Variants in FBLN7 observed in about 807,000 individuals in gnomAD.
FBLN7 encodes the protein fibulin-7.
FBLN7 carries 31 observed loss-of-function variants against 44.0 expected under a neutral mutation model. The observed-to-expected ratio is 0.70, with a 90% CI of 0.53 to 0.95. The LOEUF is 0.95. Ranked by LOEUF, FBLN7 falls within the 40% of genes least tolerant of loss-of-function variation. The pLI, the probability that FBLN7 is intolerant of heterozygous loss-of-function variation, is 0.00. For missense variants in FBLN7, 573 were observed against 618.5 expected (o/e 0.93, Z 0.78); for synonymous variants, 262 against 253.4 (o/e 1.03, Z -0.32).
chr2:112,198,921 G>A, the FBLN7 span, among the ~76,000 whole-genome samples: 1 of 152,126 alleles, frequency 6.6e-6, no homozygotes, highest in Non-Finnish European at 1.5e-5. Flanking sequence ...CTCCACTATA[G>A]TCTACCAGTG....
chr2:112,184,491 A>T (rs1424846736), intron 6 of FBLN7, among the ~76,000 whole-genome samples: 2 of 151,990 alleles, frequency 1.3e-5, no homozygotes, highest in Non-Finnish European at 2.9e-5. Flanking sequence ...GTTGGGAGGG[A>T]CGGCCTCCAG....
chr2:112,139,149 CACG>C (rs1680510122), intron 1 of FBLN7, among the ~76,000 whole-genome samples: 1 of 92,694 alleles, frequency 1.1e-5, no homozygotes, highest in Non-Finnish European at 2.2e-5. Context: ...CGCCTCTCTC[CACG>C]CCAGTGTCCC....
chr2:112,178,563 A>G (rs1375164902), intron 4 of FBLN7, among the ~76,000 whole-genome samples: 1 of 152,234 alleles, frequency 6.6e-6, no homozygotes, highest in Non-Finnish European at 1.5e-5. Flanking sequence ...AGAAAATGTC[A>G]GGCCAATATC....
chr2:112,191,774 T>A (rs1472115886), downstream of FBLN7, among the ~76,000 whole-genome samples: 1 of 152,244 alleles, frequency 6.6e-6, no homozygotes, highest in African/African-American at 2.4e-5. Flanking sequence ...CAGGATTTAC[T>A]GATTATACCT....
chr2:112,140,386 G>A (rs1034814566), intron 1 of FBLN7, among the ~76,000 whole-genome samples: 3 of 152,232 alleles, frequency 2.0e-5, no homozygotes, highest in Non-Finnish European at 4.4e-5. Context: ...GCAGCACCAA[G>A]GCTGGGGGAC....
chr2:112,203,888 G>A, the FBLN7 span, among the ~76,000 whole-genome samples: 1 of 152,228 alleles, frequency 6.6e-6, no homozygotes, highest in African/African-American at 2.4e-5. Flanking sequence ...AGAACAGTAT[G>A]GGGGAAACTG....
chr2:112,147,895 G>T (rs926613248), intron 1 of FBLN7, among the ~76,000 whole-genome samples: 1 of 152,136 alleles, frequency 6.6e-6, no homozygotes, highest in African/African-American at 2.4e-5. Flanking sequence ...TAGGTGGGGG[G>T]TCTGCTGTGG....
chr2:112,186,689 C>T (rs905045187), intron 7 of FBLN7, among the ~76,000 whole-genome samples: 12 of 152,134 alleles, frequency 7.9e-5, no homozygotes, highest in Non-Finnish European at 1.3e-4. Flanking sequence ...GTTCACCGTA[C>T]ACCGTGTGGG....
rs375542470 is a variant in FBLN7, at chr2:112,166,782, C to T, written c.406+1611C>T. ...TACAGACCCTGGTTGGTTTCCTTCT[C>T]GGTCTACTCCGCACTTTCAGGACCC... On this transcript the variant is annotated intron_variant, in intron 3 of 7. Transcript: ENST00000331203. Among the ~76,000 whole-genome samples, 9 of 152,282 alleles carry T rather than the reference C, an allele frequency of 5.9e-5. No homozygotes were observed. The South Asian group carries it at 1.7e-3, about 28-fold the overall frequency.
intron 5 of FBLN7, 191 bp downstream of exon 5, chr2:112,182,067 CAG>C: frequency 1.4e-6 from 1 of 710,604 alleles, no homozygotes; most frequent in Non-Finnish European, 2.2e-6. Flanking sequence ...TCACAGAAAT[CAG>C]AGCTCGCCCC....
chr2:112,212,536 C>G, the FBLN7 span: 57 of 152,178 alleles, frequency 3.7e-4, no homozygotes, highest in Middle Eastern at 3.4e-3. Flanking sequence ...GTAGACAACC[C>G]AAATCAAAAT....
chr2:112,222,947 C>A, the FBLN7 span, among the ~76,000 whole-genome samples: 1 of 152,090 alleles, frequency 6.6e-6, no homozygotes, highest in East Asian at 1.9e-4. Context: ...TGTATTTTAT[C>A]ACAATAAAAA....
chr2:112,222,029 T>G, the FBLN7 span, among the ~76,000 whole-genome samples: 4 of 152,088 alleles, frequency 2.6e-5, no homozygotes, highest in African/African-American at 9.7e-5. Flanking sequence ...GTCCTTTGGG[T>G]AGATTTTTTG....
chr2:112,224,085 G>A, the FBLN7 span, among the ~76,000 whole-genome samples: 16 of 152,164 alleles, frequency 1.1e-4, no homozygotes, highest in Non-Finnish European at 2.2e-4. Context: ...GTTGTGGTGA[G>A]CTGAGATAGA....
At chr2:112,157,414 A>G (rs1344518460) in intron 1 of FBLN7, among the ~76,000 whole-genome samples, 2 of 152,038 alleles carry the variant, frequency 1.3e-5, no homozygotes, top group African/African-American at 4.8e-5. Flanking sequence ...CCATAAGCCT[A>G]TCCCTAAAGA....
intron 1 of FBLN7, chr2:112,153,052 T>G (rs1681241671): frequency 6.6e-6 from 1 of 152,226 alleles, no homozygotes; most frequent in African/African-American, 2.4e-5. Context: ...AGTGAAATTC[T>G]CTCACTTCCT....
chr2:112,145,979 T>A (rs1247059785), intron 1 of FBLN7, among the ~76,000 whole-genome samples: 1 of 152,240 alleles, frequency 6.6e-6, no homozygotes, highest in Non-Finnish European at 1.5e-5. Flanking sequence ...TATTCTAGTT[T>A]CTTTGCCTTT....
intron 1 of FBLN7, among the ~76,000 whole-genome samples, chr2:112,148,028 C>A (rs1459592253): frequency 6.6e-6 from 1 of 152,176 alleles, no homozygotes; most frequent in Non-Finnish European, 1.5e-5. Flanking sequence ...CCACTGACTT[C>A]CCAGCGAAAA....
intron 3 of FBLN7, among the ~76,000 whole-genome samples, chr2:112,172,627 C>CTTTTT (rs35062438): frequency 4.3e-3 from 377 of 88,116 alleles, no homozygotes; most frequent in African/African-American, 7.9e-3. Context: ...CTTTTTCTTT[C>CTTTTT]TTTTTTTTTT....
Sources: gnomAD v4.1 joint callset for allele counts (sites outside exome capture counted in the v4.1 genomes callset) on GRCh38, gnomAD v4.1.1 for gene constraint, MANE v1.5 for transcripts, NCBI Gene and HGNC (gene_info 2026-07-23, HGNC 2026-07-21) for gene names.